Variants in DST observed in about 807,000 individuals in gnomAD.
DST encodes the protein dystonin.
DST carries 253 observed loss-of-function variants against 875.2 expected under a neutral mutation model. The ratio of observed to expected loss-of-function variants is 0.29; its 90% CI spans 0.26 to 0.32. The LOEUF (loss-of-function observed/expected upper bound fraction) is 0.32, where lower values mean the gene tolerates loss of function less well. Ranked by LOEUF, DST falls within the 10% of genes least tolerant of loss-of-function variation. The probability of loss-of-function intolerance (pLI) is 1.00; values close to 1 mark genes in which losing one functional copy is unlikely to be tolerated. For synonymous variants in DST, 3,124 were observed against 3,197.1 expected (o/e 0.98, Z 0.77); for missense variants, 8,287 against 9,111.6 (o/e 0.91, Z 3.68).
At chr6:56,721,441 C>T (rs1389412880) in intron 5 of DST, among the ~76,000 whole-genome samples, 3 of 152,154 alleles carry the variant, frequency 2.0e-5, no homozygotes, top group Admixed American at 1.3e-4. Flanking sequence ...GAAATCTTCA[C>T]AATTTGTGTT....
chr6:56,570,032 C>T lies in DST; in HGVS notation c.13722-20G>A, dbSNP rs964281178. 6 of 1,527,438 alleles carry T rather than the reference C, an allele frequency of 3.9e-6. No individual in the cohort carries two copies. The highest frequency in any genetic ancestry group is 5.3e-6 in the Non-Finnish European group (6 of 1,130,876). 94.6% of individuals were successfully genotyped at this position (1,527,438 alleles called of 1,614,324 possible). A position where few individuals can be genotyped will look rare whatever the true frequency, so the allele number is the denominator to read the frequency against. On this transcript the variant is annotated intron_variant, in intron 53 of 103. Coordinates refer to ENST00000680361, the MANE Select transcript of DST (RefSeq NM_001374736.1). ...TCTTTTCTACATAACAAAAATCATA[C>T]AAGAATTTAAGTCACAGAAAGAAGA... is the stretch of plus-strand genomic sequence containing the variant.
intron 10 of DST, among the ~76,000 whole-genome samples, chr6:56,661,528 T>C (rs999341641): frequency 1.3e-5 from 2 of 151,716 alleles, no homozygotes; most frequent in African/African-American, 2.4e-5. Context: ...ACATACTTCC[T>C]AAATCTCTAG....
chr6:56,587,562 G>A (rs1323261149), intron 49 of DST, among the ~76,000 whole-genome samples: 1 of 152,028 alleles, frequency 6.6e-6, no homozygotes, highest in Non-Finnish European at 1.5e-5. Flanking sequence ...TACAGAGAAT[G>A]CCACAAAGAT....
intron 2 of DST, among the ~76,000 whole-genome samples, chr6:56,941,482 ATATT>A (rs139206273): frequency 0.023 from 3,446 of 152,076 alleles, 136 homozygotes; most frequent in African/African-American, 0.078. Flanking sequence ...TTCTTTACAA[ATATT>A]TATTTATTCA....
chr6:56,885,472 A>G (rs1359885109), intron 3 of DST, among the ~76,000 whole-genome samples: 1 of 152,144 alleles, frequency 6.6e-6, no homozygotes, highest in Admixed American at 6.5e-5. Flanking sequence ...AATTTTAACA[A>G]CATATTTGCT....
rs1026883429 is a variant in DST, at chr6:56,835,980, T to G, written c.625+15417A>C. Among the ~76,000 whole-genome samples, 3 of 152,190 alleles carry G rather than the reference T, an allele frequency of 2.0e-5. No individual in the cohort carries two copies. The South Asian group carries it at 6.2e-4, about 31-fold the overall frequency. The stretch of plus-strand genomic sequence containing the variant: ...CTTTTCAAAATCTTCTCGACCCAAA[T>G]ACACACTGGAAATGCTCATGTTAAA... On this transcript the variant is annotated intron_variant, in intron 4 of 103. Transcript: ENST00000680361.
rs1377736324 is a variant in DST, at chr6:56,640,285, T to C, written c.2348A>G (p.Glu783Gly). Residue 783 changes from glutamate to glycine, a missense_variant, in exon 18 of 104, where the codon GAG becomes GGG. Physicochemically the swap from Glu to Gly is moderately conservative, Grantham distance 98. Coordinates refer to ENST00000680361, the MANE Select transcript of DST (RefSeq NM_001374736.1). Reference sequence around the variant, plus strand: ...CTTCAAAGTTTGCAATGAATTTGGCTCTACTCCTGAACTGAAATTTGGAAC... The same window carrying C: ...CTTCAAAGTTTGCAATGAATTTGGCCCTACTCCTGAACTGAAATTTGGAAC... ...GLVPNFSSGV[E>G]PNSLQTLKLM... 2 of 1,614,190 alleles carry C rather than the reference T, an allele frequency of 1.2e-6. No individual in the cohort carries two copies. Among genetic ancestry groups the C allele is most frequent in the South Asian group, 2.2e-5 (2 of 91,088 alleles).
chr6:56,598,005 A>G lies in DST; in HGVS notation c.11930T>C (p.Val3977Ala), dbSNP rs2098407642. 2 of 1,582,956 alleles carry G rather than the reference A, an allele frequency of 1.3e-6. No homozygotes were observed. The highest frequency in any genetic ancestry group is 1.7e-5 in the Admixed American group (1 of 57,782). Residue 3977 changes from valine to alanine, a missense_variant and splice_region_variant, in exon 47 of 104, where the codon GTA becomes GCA. Physicochemically the swap from Val to Ala is moderately conservative, Grantham distance 64. Coordinates refer to ENST00000680361, the MANE Select transcript of DST (RefSeq NM_001374736.1). ...TTAIKEETEK[V>A]AAVKQLEESK... ...CTCTTCCAGCTGCTTCACTGCTGCT[A>G]CCTGGGAAGGGAAAGTTCACAGGAG...
intron 9 of DST, among the ~76,000 whole-genome samples, chr6:56,689,389 A>G (rs2099212115): frequency 6.6e-6 from 1 of 152,112 alleles, no homozygotes; most frequent in African/African-American, 2.4e-5. Flanking sequence ...TTATCAGAAA[A>G]CCTACATTAA....
At chr6:56,706,326 G>A (rs375700849) in intron 5 of DST, among the ~76,000 whole-genome samples, 11,936 of 146,974 alleles carry the variant, frequency 0.081, 1,525 homozygotes, top group African/African-American at 0.27. Context: ...AAAAAAAAAA[G>A]AAAGAAAGAA....
chr6:56,792,594 C>G (rs1378215037), intron 4 of DST, among the ~76,000 whole-genome samples: 1 of 152,162 alleles, frequency 6.6e-6, no homozygotes, highest in Non-Finnish European at 1.5e-5. Flanking sequence ...CACCACCACA[C>G]CTGACTAAGT....
chr6:56,640,313 A>C lies in DST; in HGVS notation c.2320T>G (p.Leu774Val). 6.2e-7 allele frequency: 1 copy of C among 1,614,180 alleles called. No homozygotes were observed. The highest frequency in any genetic ancestry group is 1.1e-5 in the South Asian group (1 of 91,074). The change falls in exon 18 of 104, where the codon TTA (leucine) becomes GTA (valine). Residue 774 changes from leucine to valine, a missense_variant. By Grantham distance (32) the Leu-to-Val change is conservative. Coordinates refer to ENST00000680361, the MANE Select transcript of DST (RefSeq NM_001374736.1). ...ACTCCTGAACTGAAATTTGGAACTA[A>C]TCCTGATGGGAAACCAGGTGTATAA... ...PAYTPGFPSG[L>V]VPNFSSGVEP...
intron 4 of DST, among the ~76,000 whole-genome samples, chr6:56,767,939 G>A (rs549681571): frequency 3.4e-4 from 52 of 152,194 alleles, no homozygotes; most frequent in African/African-American, 1.3e-3. Flanking sequence ...TCAAACAAGA[G>A]CAAGGAGGCC....
chr6:56,693,165 T>C, intron 9 of DST: 10 of 1,270,632 alleles, frequency 7.9e-6, no homozygotes, highest in Non-Finnish European at 1.0e-5. Context: ...TTGTAGGAGA[T>C]CACAGCTCCA....
rs1025948151 is a variant in DST at position 56,693,032 on chromosome 6, G to A, written c.1047+6621C>T. On this transcript the variant is annotated intron_variant, in intron 9 of 103. Coordinates refer to ENST00000680361, the MANE Select transcript of DST (RefSeq NM_001374736.1). ...TTGTCACCTCCAGTTTTTTTGATCGGTTTTCTTCTGAAATATTTTCTTCCA... is the reference window on the plus strand; with the variant it reads ...TTGTCACCTCCAGTTTTTTTGATCGATTTTCTTCTGAAATATTTTCTTCCA... 16 of 1,289,536 alleles carry A rather than the reference G, an allele frequency of 1.2e-5. No individual in the cohort carries two copies. In the African/African-American group the frequency reaches 2.1e-4, roughly 17 times the overall value. The allele number at this position is 1,289,536 out of a possible 1,614,324, so 79.9% of individuals were successfully genotyped here.
intron 3 of DST, among the ~76,000 whole-genome samples, chr6:56,886,776 C>CAAAAAAAAAAAA (rs35735421): frequency 1.2e-5 from 1 of 82,228 alleles, no homozygotes; most frequent in Admixed American, 1.3e-4. Context: ...AACTCAGTCT[C>CAAAAAAAAAAAA]AAAAAAAAAA....
intron 9 of DST, among the ~76,000 whole-genome samples, chr6:56,687,940 C>A (rs1431487760): frequency 6.6e-6 from 1 of 152,088 alleles, no homozygotes; most frequent in Non-Finnish European, 1.5e-5. Context: ...AGTCCAAGTG[C>A]TAATGCTCTA....
intron 90 of DST, among the ~76,000 whole-genome samples, chr6:56,481,641 G>T (rs1275974722): frequency 6.6e-6 from 1 of 152,142 alleles, no homozygotes; most frequent in Non-Finnish European, 1.5e-5. Flanking sequence ...TTTACAAAGG[G>T]CAAAATTACT....
intron 90 of DST, among the ~76,000 whole-genome samples, chr6:56,479,706 T>C (rs994561163): frequency 3.3e-5 from 5 of 152,174 alleles, no homozygotes; most frequent in Non-Finnish European, 5.9e-5. Context: ...TTCTCATGTA[T>C]AAATGGGAGC....
Sources: allele counts gnomAD v4.1 joint callset (sites outside exome capture counted in the v4.1 genomes callset), GRCh38; gene constraint gnomAD v4.1.1; transcripts MANE v1.5; gene names NCBI Gene and HGNC (gene_info 2026-07-23, HGNC 2026-07-21).